DGKI: variants seen among roughly 807,000 people sequenced by gnomAD.
DGKI encodes DAG kinase iota.
In DGKI, 55 loss-of-function variants were observed where a neutral mutation model predicts 147.5. The ratio of observed to expected loss-of-function variants is 0.37; its 90% CI spans 0.30 to 0.47. The LOEUF (loss-of-function observed/expected upper bound fraction) is 0.47. DGKI is among the 20% of genes least tolerant of loss of function. The pLI, the probability that DGKI is intolerant of heterozygous loss-of-function variation, is 1.00. For synonymous variants in DGKI, 469 were observed against 477.1 expected, an observed-to-expected ratio of 0.98 and a Z score of 0.22; for missense variants, 1,007 against 1,323.8, an observed-to-expected ratio of 0.76 and a Z score of 3.71.
chr7:137,574,250 T>A (rs1272919174), intron 17 of DGKI, among the ~76,000 whole-genome samples: 1 of 152,250 alleles, frequency 6.6e-6, no homozygotes, highest in Non-Finnish European at 1.5e-5. Flanking sequence ...TATTTTCAAA[T>A]ATAACTTAGT....
chr7:137,778,263 G>C (rs1051577499), intron 1 of DGKI, among the ~76,000 whole-genome samples: 3 of 152,266 alleles, frequency 2.0e-5, no homozygotes, highest in African/African-American at 4.8e-5. Context: ...CATGATATAA[G>C]CCCAAGAAGG....
chr7:137,764,035 C>A (rs1795935758), intron 1 of DGKI, among the ~76,000 whole-genome samples: 1 of 152,210 alleles, frequency 6.6e-6, no homozygotes, highest in Non-Finnish European at 1.5e-5. Flanking sequence ...CTAAAAGTGT[C>A]AAGTGATGGC....
At chr7:137,616,965 GATAGATAACA>G (rs924773061) in intron 8 of DGKI, among the ~76,000 whole-genome samples, 1 of 151,638 alleles carries the variant, frequency 6.6e-6, no homozygotes, top group African/African-American at 2.4e-5. Context: ...AAAACTCTTT[GATAGATAACA>G]ATAGATGACA....
At chr7:137,405,307 G>A (rs1811902758) in intron 30 of DGKI, among the ~76,000 whole-genome samples, 1 of 152,050 alleles carries the variant, frequency 6.6e-6, no homozygotes, top group South Asian at 2.1e-4. Flanking sequence ...GTGCAGTGGT[G>A]CAATTCTAGC....
chr7:137,662,812 G>A (rs1226939832), intron 3 of DGKI, among the ~76,000 whole-genome samples: 1 of 152,180 alleles, frequency 6.6e-6, no homozygotes, highest in Non-Finnish European at 1.5e-5. Flanking sequence ...GTGATCTGTG[G>A]ACAGACAAGG....
chr7:137,485,227 G>C, intron 23 of DGKI, 147 bp downstream of exon 23: 1 of 679,582 alleles, frequency 1.5e-6, no homozygotes, highest in East Asian at 2.8e-5. Context: ...AAATGCAAAA[G>C]AATCAGAATA....
chr7:137,511,759 T>C (rs886168856), intron 21 of DGKI, among the ~76,000 whole-genome samples: 1 of 152,202 alleles, frequency 6.6e-6, no homozygotes, highest in Non-Finnish European at 1.5e-5. Context: ...TGCATTCATG[T>C]TAGGATTGAG....
chr7:137,538,751 C>A (rs1430077064), intron 20 of DGKI, among the ~76,000 whole-genome samples: 2 of 152,208 alleles, frequency 1.3e-5, no homozygotes, highest in Non-Finnish European at 2.9e-5. Context: ...TTCTTCCCCA[C>A]TGCATGCGGC....
At chr7:137,664,288 G>A (rs149905230) in intron 3 of DGKI, among the ~76,000 whole-genome samples, 7,669 of 146,352 alleles carry the variant, frequency 0.052, 277 homozygotes, top group Admixed American at 0.084. Context: ...TGAGGCATGA[G>A]AATCACTTGA....
intron 27 of DGKI, among the ~76,000 whole-genome samples, chr7:137,457,036 C>T (rs1425346057): frequency 1.3e-5 from 2 of 152,164 alleles, no homozygotes; most frequent in African/African-American, 4.8e-5. Flanking sequence ...TAGAGTAATT[C>T]ACCAAGTCAT....
intron 14 of DGKI, 35 bp from the exon 15 acceptor site, chr7:137,581,963 G>T: frequency 6.4e-7 from 1 of 1,554,854 alleles, no homozygotes; most frequent in Non-Finnish European, 8.9e-7. Context: ...GCAAAATTTT[G>T]TGTGGCCAGG....
At position 137,391,826 on chromosome 7, in the gene DGKI, TA is replaced by T. The variant is rs780443144; in HGVS notation, c.3058-491del. ...AGAAACTAAAAGGAAGGGATAGTCATAAAAAAATTGAAAGGTTTTCTTTATT... is the reference window on the plus strand; with the variant it reads ...AGAAACTAAAAGGAAGGGATAGTCATAAAAAATTGAAAGGTTTTCTTTATT... On this transcript the variant is annotated intron_variant, in intron 32 of 32. Coordinates refer to ENST00000614521, the MANE Select transcript of DGKI (RefSeq NM_001321708.2). 4.9e-4 allele frequency among the ~76,000 whole-genome samples: 75 copies of T among 152,236 alleles called. No homozygotes were observed. In the East Asian group the frequency reaches 0.013, roughly 27 times the overall value.
In DGKI at chr7:137,512,598, C is replaced by A. The variant is rs193025265; in HGVS notation, c.2248+9268G>T. Among the ~76,000 whole-genome samples the A allele has an allele frequency of 7.9e-5, 12 of 152,120 alleles. No homozygotes were observed. The East Asian group carries it at 2.3e-3, about 29-fold the overall frequency. On this transcript the variant is annotated intron_variant, in intron 21 of 32. Transcript: ENST00000614521. ...TGAGTATGTGTTACATAAAATAAACCAATGAAAAGAGAAAATATTATTTTG... is the reference window on the plus strand; with the variant it reads ...TGAGTATGTGTTACATAAAATAAACAAATGAAAAGAGAAAATATTATTTTG...
intron 1 of DGKI, among the ~76,000 whole-genome samples, chr7:137,833,883 A>T (rs530103203): frequency 6.6e-6 from 1 of 152,230 alleles, no homozygotes; most frequent in Non-Finnish European, 1.5e-5. Context: ...CATTCCTAAA[A>T]GGAAAAACAG....
chr7:137,735,364 T>A (rs1332124422), intron 1 of DGKI, among the ~76,000 whole-genome samples: 2 of 152,114 alleles, frequency 1.3e-5, no homozygotes, highest in African/African-American at 4.8e-5. Flanking sequence ...GCTTGAATAC[T>A]CTTTCCACCT....
chr7:137,695,769 T>TATAA (rs1211262059), intron 1 of DGKI, among the ~76,000 whole-genome samples: 4 of 152,214 alleles, frequency 2.6e-5, no homozygotes, highest in Non-Finnish European at 5.9e-5. Flanking sequence ...TTGCCTTAAT[T>TATAA]ATAAATTTCC....
chr7:137,419,118 C>T (rs1812465951), intron 28 of DGKI, among the ~76,000 whole-genome samples: 1 of 152,180 alleles, frequency 6.6e-6, no homozygotes, highest in South Asian at 2.1e-4. Context: ...GTTTCTTCCA[C>T]TATATGATGC....
intron 1 of DGKI, among the ~76,000 whole-genome samples, chr7:137,780,089 A>G (rs986292567): frequency 7.2e-5 from 11 of 152,224 alleles, no homozygotes; most frequent in African/African-American, 2.4e-4. Context: ...ATTGGTTTCC[A>G]TAGTAGTCCT....
chr7:137,568,711 T>C (rs531666971), intron 19 of DGKI, among the ~76,000 whole-genome samples: 1 of 152,244 alleles, frequency 6.6e-6, no homozygotes, highest in African/African-American at 2.4e-5. Flanking sequence ...GTACTGTTTT[T>C]CCTTTTTATC....
Sources: gnomAD v4.1 joint callset for allele counts (sites outside exome capture counted in the v4.1 genomes callset) on GRCh38, gnomAD v4.1.1 for gene constraint, MANE v1.5 for transcripts, NCBI Gene and HGNC (gene_info 2026-07-23, HGNC 2026-07-21) for gene names.